BCORL1: variants seen among roughly 807,000 people sequenced by gnomAD.
The protein encoded by BCORL1 is BCL-6 corepressor-like protein 1.
BCORL1 carries 7 observed loss-of-function variants against 87.6 expected under a neutral mutation model. The observed-to-expected ratio is 0.08, with a 90% confidence interval of 0.05 to 0.15. The LOEUF (loss-of-function observed/expected upper bound fraction) is 0.15, where lower values mean the gene tolerates loss of function less well. BCORL1 is among the 10% of genes least tolerant of loss of function. BCORL1 has a pLI of 1.00. For missense variants in BCORL1, 1,215 were observed against 1,499.7 expected (o/e 0.81, Z 3.13); for synonymous variants, 591 against 634.4 (o/e 0.93, Z 1.03).
At chrX:130,000,014 T>G (rs1927919262) in intron 1 of BCORL1, among the ~76,000 whole-genome samples, 1 of 108,867 alleles carries the variant, frequency 9.2e-6, no homozygotes, top group African/African-American at 3.4e-5. Context: ...ATGAAATGAG[T>G]ACCTGGGGTA....
At chrX:130,050,598 T>C (rs935393508) in intron 11 of BCORL1, 119 bp from the exon 12 acceptor site, 9 of 592,237 alleles carry the variant, frequency 1.5e-5, no homozygotes, top group Admixed American at 2.4e-5. Context: ...ACTCCTGGAC[T>C]CTCTTGTGGT....
At chrX:130,051,418 G>A (rs1485429374) in intron 12 of BCORL1, among the ~76,000 whole-genome samples, 1 of 112,979 alleles carries the variant, frequency 8.9e-6, no homozygotes, top group East Asian at 2.8e-4. Flanking sequence ...CAGAATGTGG[G>A]CTGGGGAAAG....
intron 7 of BCORL1, 21 bp downstream of exon 7, chrX:130,025,400 TGCTGTC>T: frequency 8.8e-7 from 1 of 1,130,357 alleles, no homozygotes; most frequent in South Asian, 2.2e-5. Flanking sequence ...CCAGGGGCTC[TGCTGTC>T]GCCGCGGCCC....
upstream of BCORL1, among the ~76,000 whole-genome samples, chrX:129,981,507 G>C (rs1000308669): frequency 2.7e-5 from 3 of 110,341 alleles, no homozygotes; most frequent in Admixed American, 2.9e-4. Flanking sequence ...TAAGCAAAAG[G>C]CGAATACCTG....
At position 130,056,071 on chromosome X, in the gene BCORL1, C is replaced by T. The variant is rs1296187625; in HGVS notation, c.5293C>T (p.Arg1765Trp). The stretch of plus-strand genomic sequence containing the variant: ...CTCCTCTGAGACTGTGGAGCTGGTG[C>T]GGTACGAGCCAGACCTACTTCGGCT... Reference protein sequence around the residue: ...PGSSETVELVRYEPDLLRLLG... With the variant: ...PGSSETVELVWYEPDLLRLLG... The change falls in exon 14 of 14, where the codon CGG becomes TGG. Residue 1765 changes from arginine (R) to tryptophan (W), a missense_variant. Around this residue, in one of 5 missense-constraint regions of BCORL1, gnomAD observed 129 missense variants for 157.5 expected, o/e 0.82. Coordinates refer to ENST00000540052, the MANE Select transcript of BCORL1 (RefSeq NM_001379451.1). 1 of 1,205,802 alleles carries T rather than the reference C, an allele frequency of 8.3e-7. No individual in the cohort carries two copies. Among genetic ancestry groups the T allele is most frequent in the Non-Finnish European group, 1.1e-6 (1 of 891,735 alleles).
intron 11 of BCORL1, among the ~76,000 whole-genome samples, chrX:130,049,976 G>A (rs866722557): frequency 3.6e-5 from 4 of 111,605 alleles, no homozygotes; most frequent in Middle Eastern, 4.7e-3. Context: ...AGCAGGCTGG[G>A]TGGGGAGTGG....
At chrX:130,031,178 A>G (rs1930579713) in intron 8 of BCORL1, among the ~76,000 whole-genome samples, 1 of 112,552 alleles carries the variant, frequency 8.9e-6, no homozygotes, top group South Asian at 3.6e-4. Flanking sequence ...GGCTTGGCTT[A>G]GTGAAACCCT....
intron 1 of BCORL1, among the ~76,000 whole-genome samples, chrX:129,999,033 T>C: frequency 9.2e-6 from 1 of 108,156 alleles, no homozygotes; most frequent in Middle Eastern, 4.7e-3. Flanking sequence ...ATTATTTTGA[T>C]ATTTTAACTC....
intron 1 of BCORL1, among the ~76,000 whole-genome samples, chrX:130,000,437 A>G (rs1927955730): frequency 8.9e-6 from 1 of 112,507 alleles, no homozygotes; most frequent in African/African-American, 3.2e-5. Context: ...TGTTAAAAAT[A>G]TTTCTAAAAT....
intron 1 of BCORL1, among the ~76,000 whole-genome samples, chrX:129,986,904 A>G (rs1009019951): frequency 8.9e-6 from 1 of 112,042 alleles, no homozygotes; most frequent in African/African-American, 3.2e-5. Flanking sequence ...TCAGGACACT[A>G]TTGGTTGGAT....
intron 13 of BCORL1, among the ~76,000 whole-genome samples, chrX:130,053,670 G>A (rs1033279871): frequency 9.0e-6 from 1 of 111,501 alleles, no homozygotes; most frequent in Non-Finnish European, 1.9e-5. Context: ...TCTAGCGCTC[G>A]CTCTAGAGCT....
At chrX:130,000,234 C>T (rs997577837) in intron 1 of BCORL1, among the ~76,000 whole-genome samples, 4 of 110,157 alleles carry the variant, frequency 3.6e-5, no homozygotes, top group African/African-American at 6.6e-5. Context: ...GATGGGGTTT[C>T]GCCATGTTGC....
At chrX:129,991,244 G>C (rs908808219) in intron 1 of BCORL1, among the ~76,000 whole-genome samples, 5 of 111,635 alleles carry the variant, frequency 4.5e-5, no homozygotes, top group African/African-American at 1.6e-4. Flanking sequence ...AGCCTTCTGA[G>C]TAGCTGGGAT....
At chrX:130,053,733 TGG>T (rs1932204947) in intron 13 of BCORL1, among the ~76,000 whole-genome samples, 1 of 111,597 alleles carries the variant, frequency 9.0e-6, no homozygotes, top group Non-Finnish European at 1.9e-5. Flanking sequence ...TTCAAGAAGT[TGG>T]GGGTGGGGGT....
chrX:130,031,719 G>A (rs768628580), intron 8 of BCORL1, among the ~76,000 whole-genome samples: 1 of 111,816 alleles, frequency 8.9e-6, no homozygotes, highest in Non-Finnish European at 1.9e-5. Flanking sequence ...GGGAGGCAGA[G>A]GTTGCAGTGA....
At chrX:130,018,131 C>G (rs1173530492) in intron 4 of BCORL1, among the ~76,000 whole-genome samples, 1 of 112,339 alleles carries the variant, frequency 8.9e-6, no homozygotes, top group Non-Finnish European at 1.9e-5. Context: ...CTCTTCCTAG[C>G]TGTGTGCTAT....
chrX:130,026,798 A>C (rs1054022007), intron 7 of BCORL1, among the ~76,000 whole-genome samples: 1 of 113,170 alleles, frequency 8.8e-6, no homozygotes, highest in Middle Eastern at 4.2e-3. Flanking sequence ...AGTTGTTGGA[A>C]AGTAGGTCAT....
intron 7 of BCORL1, among the ~76,000 whole-genome samples, chrX:130,025,696 G>A (rs1032814630): frequency 9.0e-6 from 1 of 111,083 alleles, no homozygotes; most frequent in Non-Finnish European, 1.9e-5. Flanking sequence ...GAGTTCTCTG[G>A]TTGGCTTGAG....
rs947675433 is a variant in BCORL1, at chrX:130,054,319, C to G, written c.5076-1535C>G. Among the ~76,000 whole-genome samples, 3 of 111,485 alleles carry G rather than the reference C, an allele frequency of 2.7e-5. No homozygotes were observed. The East Asian group carries it at 8.5e-4, about 31-fold the overall frequency. Reference sequence around the variant, plus strand: ...GAAATGGGTTTTGTTAGTAGTATTACAATAGGGATGTGAATCAAATGCCAC... The same window carrying G: ...GAAATGGGTTTTGTTAGTAGTATTAGAATAGGGATGTGAATCAAATGCCAC... On this transcript the variant is annotated intron_variant, in intron 13 of 13. Coordinates refer to ENST00000540052, the MANE Select transcript of BCORL1 (RefSeq NM_001379451.1).
Sources: gnomAD v4.1 joint callset for allele counts (sites outside exome capture counted in the v4.1 genomes callset) on GRCh38, gnomAD v4.1.1 for gene constraint, gnomAD v4.1.1 regional missense constraint, MANE v1.5 for transcripts, NCBI Gene and HGNC (gene_info 2026-07-23, HGNC 2026-07-21) for gene names.